SEMA3D: variants seen among roughly 807,000 people sequenced by gnomAD.
SEMA3D encodes the protein semaphorin 3D.
Under a neutral mutation model 100.1 loss-of-function variants are expected in SEMA3D, and 84 were observed. The observed-to-expected ratio is 0.84, with a 90% CI of 0.70 to 1.01. The LOEUF (loss-of-function observed/expected upper bound fraction) is 1.01, where lower values mean the gene tolerates loss of function less well. Ranked by LOEUF, SEMA3D falls within the 50% of genes least tolerant of loss-of-function variation. SEMA3D has a pLI of 0.00. For missense variants in SEMA3D, 875 were observed against 934.1 expected (o/e 0.94, Z 0.82); for synonymous variants, 312 against 320.7 (o/e 0.97, Z 0.29).
intron 3 of SEMA3D, among the ~76,000 whole-genome samples, chr7:85,101,110 C>T (rs932466551): frequency 1.3e-5 from 2 of 151,780 alleles, no homozygotes; most frequent in African/African-American, 4.8e-5. Flanking sequence ...AGAATGGAAC[C>T]AAGATAAAAG....
chr7:85,005,560 T>TATTAAATTCTTC (rs1168087965), intron 18 of SEMA3D, among the ~76,000 whole-genome samples: 1 of 152,118 alleles, frequency 6.6e-6, no homozygotes, highest in African/African-American at 2.4e-5. Flanking sequence ...AAGAGAATTA[T>TATTAAATTCTTC]ATTAAATTCT....
chr7:85,122,527 GAATT>G (rs921238836), intron 2 of SEMA3D, among the ~76,000 whole-genome samples: 1 of 152,076 alleles, frequency 6.6e-6, no homozygotes, highest in Non-Finnish European at 1.5e-5. Flanking sequence ...GTCGAAACTT[GAATT>G]ATTTGATCAG....
At chr7:85,244,708 C>CTTTT in the SEMA3D span, among the ~76,000 whole-genome samples, 1 of 121,884 alleles carries the variant, frequency 8.2e-6, no homozygotes, top group African/African-American at 3.1e-5. Flanking sequence ...ACTGCACAAT[C>CTTTT]TTTTTTTTTT....
chr7:85,151,798 AT>A (rs1444114952), intron 2 of SEMA3D: 5 of 800,520 alleles, frequency 6.2e-6, no homozygotes, highest in Admixed American at 1.2e-4. Flanking sequence ...AAAATTTTAA[AT>A]TCCTATTTTA....
chr7:85,196,639 G>A, the SEMA3D span, among the ~76,000 whole-genome samples: 4 of 151,988 alleles, frequency 2.6e-5, no homozygotes, highest in Non-Finnish European at 5.9e-5. Context: ...TAGAAACAGG[G>A]AATAAAGACT....
intron 9 of SEMA3D, chr7:85,050,625 CT>C (rs1337465937): frequency 2.4e-6 from 1 of 420,052 alleles, no homozygotes; most frequent in Admixed American, 4.4e-5. Flanking sequence ...TTGTGTCTCT[CT>C]TCATTGATAT....
chr7:85,222,976 T>C, the SEMA3D span, among the ~76,000 whole-genome samples: 1 of 151,746 alleles, frequency 6.6e-6, no homozygotes, highest in African/African-American at 2.4e-5. Context: ...AGTAATCCCA[T>C]CAAAAAGTGG....
chr7:85,065,497 G>A lies in SEMA3D; in HGVS notation c.645C>T (p.Phe215=). ...ASDFLGKDTA[F]TRSLGPTHDH... ...CATGAGTAGGCCCAAGGGATCGAGT[G>A]AATGCAGTATCTTTGCCAAGGAAAT... The change falls in exon 8 of 19, where the codon TTC becomes TTT. Residue 215 remains phenylalanine, a synonymous_variant. Transcript: ENST00000284136. 6.2e-7 allele frequency: 1 copy of A among 1,612,648 alleles called. No homozygotes were observed. The highest frequency in any genetic ancestry group is 1.1e-5 in the South Asian group (1 of 91,044).
Position 85,068,114 on chromosome 7 carries a change from T to C in SEMA3D, c.589+77A>G, listed in dbSNP as rs944349550. On this transcript the variant is annotated intron_variant, in intron 7 of 18. Coordinates refer to ENST00000284136, the MANE Select transcript of SEMA3D (RefSeq NM_001384900.1). The stretch of plus-strand genomic sequence containing the variant: ...TAGTAAAAAATTACCTTTAACTCAA[T>C]AGGAAAATGCGGTTCAGTCAAAAAA... The C allele has an allele frequency of 9.5e-6, 8 of 844,364 alleles. No individual in the cohort carries two copies. In the African/African-American group the frequency reaches 1.4e-4, roughly 14 times the overall value. 52.3% of individuals were successfully genotyped at this position (844,364 alleles called of 1,614,324 possible). A position where few individuals can be genotyped will look rare whatever the true frequency, so the allele number is the denominator to read the frequency against.
chr7:85,035,456 C>T (rs531115750), intron 12 of SEMA3D, among the ~76,000 whole-genome samples: 5 of 151,822 alleles, frequency 3.3e-5, no homozygotes, highest in East Asian at 1.9e-4. Context: ...ATCTTAAGGA[C>T]GTTATGTTGA....
At chr7:85,210,149 C>T in the SEMA3D span, among the ~76,000 whole-genome samples, 2 of 152,040 alleles carry the variant, frequency 1.3e-5, no homozygotes, top group Non-Finnish European at 2.9e-5. Context: ...TAGACCACAG[C>T]CTCTCTCAGC....
At chr7:85,053,287 T>C (rs1177903909) in intron 9 of SEMA3D, among the ~76,000 whole-genome samples, 1 of 152,016 alleles carries the variant, frequency 6.6e-6, no homozygotes, top group Non-Finnish European at 1.5e-5. Flanking sequence ...TGTTGCTTCT[T>C]AGATCTTTAC....
At chr7:85,216,266 T>C in the SEMA3D span, among the ~76,000 whole-genome samples, 771 of 152,126 alleles carry the variant, frequency 5.1e-3, 4 homozygotes, top group African/African-American at 0.018. Flanking sequence ...CTCTAAATTA[T>C]AGGGGTTTTT....
In SEMA3D at chr7:85,050,583, C is replaced by T. The variant is rs965483892; in HGVS notation, c.861+5134G>A. Reference sequence around the variant, plus strand: ...CAGGCTCTCATTGATCAATATTGCCCAGTAAAATTATCTTTTAAGTCAGTT... The same window carrying T: ...CAGGCTCTCATTGATCAATATTGCCTAGTAAAATTATCTTTTAAGTCAGTT... On this transcript the variant is annotated intron_variant, in intron 9 of 18. Transcript: ENST00000284136. 27 of 389,114 alleles carry T rather than the reference C, an allele frequency of 6.9e-5. No individual in the cohort carries two copies. The East Asian group carries it at 9.6e-4, about 14-fold the overall frequency. 24.1% of individuals were successfully genotyped at this position (389,114 alleles called of 1,614,324 possible). A position where few individuals can be genotyped will look rare whatever the true frequency, so the allele number is the denominator to read the frequency against.
rs1212477224 is a variant in SEMA3D at position 85,102,248 on chromosome 7, T to C, written c.152-4283A>G. 2.6e-5 allele frequency among the ~76,000 whole-genome samples: 4 copies of C among 151,954 alleles called. No individual in the cohort carries two copies. In the East Asian group the frequency reaches 7.8e-4, roughly 30 times the overall value. On this transcript the variant is annotated intron_variant, in intron 3 of 18. Coordinates refer to ENST00000284136, the MANE Select transcript of SEMA3D (RefSeq NM_001384900.1). ...GAGGAAACACATAAAGAAAAATTTG[T>C]TCCAGGCAGAATGAACACTAGGCTG...
intron 18 of SEMA3D, among the ~76,000 whole-genome samples, chr7:85,002,303 C>G (rs1251484794): frequency 6.6e-6 from 1 of 152,114 alleles, no homozygotes; most frequent in Non-Finnish European, 1.5e-5. Flanking sequence ...TTTCAGCTTT[C>G]TAGGTCTAAC....
chr7:85,166,487 A>T (rs1790908981), intron 1 of SEMA3D, among the ~76,000 whole-genome samples: 1 of 152,062 alleles, frequency 6.6e-6, no homozygotes, highest in Admixed American at 6.6e-5. Context: ...TAATAATAGT[A>T]GCTAACATTT....
the SEMA3D span, among the ~76,000 whole-genome samples, chr7:85,231,505 TAGTGG>T: frequency 9.9e-5 from 4 of 40,260 alleles, no homozygotes; most frequent in East Asian, 0.026. Flanking sequence ...TGGAGTGCAG[TAGTGG>T]GGCGATCTCG....
intron 2 of SEMA3D, among the ~76,000 whole-genome samples, chr7:85,151,953 A>G (rs1038597389): frequency 1.6e-4 from 24 of 152,032 alleles, no homozygotes; most frequent in African/African-American, 5.8e-4. Context: ...TTTATTTTCT[A>G]ATTATAGAAT....
Sources: allele counts gnomAD v4.1 joint callset (sites outside exome capture counted in the v4.1 genomes callset), GRCh38; gene constraint gnomAD v4.1.1; transcripts MANE v1.5; gene names NCBI Gene and HGNC (gene_info 2026-07-23, HGNC 2026-07-21).